Variants in ACADM observed in about 807,000 individuals in gnomAD.
The protein encoded by ACADM is acyl-CoA dehydrogenase medium chain.
In ACADM, 49 loss-of-function variants were observed where a neutral mutation model predicts 58.9. The ratio of observed to expected loss-of-function variants is 0.83; its 90% confidence interval spans 0.66 to 1.06. The LOEUF is 1.06. Ranked by LOEUF, ACADM falls within the 50% of genes least tolerant of loss-of-function variation. The pLI, the probability that ACADM is intolerant of heterozygous loss-of-function variation, is 0.00. For missense variants in ACADM, 496 were observed against 507.0 expected (o/e 0.98, Z 0.21); for synonymous variants, 160 against 157.7 (o/e 1.01, Z -0.11).
At chr1:75,738,582 G>T (rs1263030703) in intron 6 of ACADM, among the ~76,000 whole-genome samples, 2 of 152,022 alleles carry the variant, frequency 1.3e-5, no homozygotes, top group Non-Finnish European at 2.9e-5. Context: ...GAATTAAAAT[G>T]TATATAGTTT....
intron 3 of ACADM, 52 bp downstream of exon 3, chr1:75,732,793 TTATG>T (rs1228359739): frequency 6.2e-7 from 1 of 1,604,350 alleles, no homozygotes; most frequent in Admixed American, 1.7e-5. Flanking sequence ...TTTTACAAGA[TTATG>T]TAATCAAACT....
chr1:75,744,645 G>C lies in ACADM; in HGVS notation c.600-1161G>C, dbSNP rs951111916. 36 of 955,790 alleles carry C rather than the reference G, an allele frequency of 3.8e-5. No homozygotes were observed. The African/African-American group carries it at 5.5e-4, about 15-fold the overall frequency. 59.2% of individuals were successfully genotyped at this position (955,790 alleles called of 1,614,324 possible). On this transcript the variant is annotated intron_variant, in intron 7 of 11. Coordinates refer to ENST00000370841, the MANE Select transcript of ACADM (RefSeq NM_000016.6). ...TGTTGTTAATGACAACCTTCCTGCT[G>C]TTAGGGTAACCTGGTCCCTGGCATA...
intron 6 of ACADM, among the ~76,000 whole-genome samples, chr1:75,737,279 A>C (rs867784005): frequency 4.6e-5 from 2 of 43,126 alleles, no homozygotes; most frequent in East Asian, 1.6e-3. Context: ...CACACACACA[A>C]ATATATATAT....
chr1:75,752,646 A>G (rs957404860), intron 10 of ACADM, among the ~76,000 whole-genome samples: 14 of 152,074 alleles, frequency 9.2e-5, no homozygotes, highest in Admixed American at 3.3e-4. Context: ...TTTTTCCATT[A>G]TACCTTCTGT....
intron 10 of ACADM, among the ~76,000 whole-genome samples, chr1:75,751,713 G>A (rs1281664613): frequency 6.6e-6 from 1 of 151,900 alleles, no homozygotes; most frequent in Non-Finnish European, 1.5e-5. Flanking sequence ...TGGCCAGGCT[G>A]GTGTTGAACT....
At chr1:75,762,649 A>T in intron 11 of ACADM, 43 bp from the exon 12 acceptor site, 1 of 1,195,230 alleles carries the variant, frequency 8.4e-7, no homozygotes, top group South Asian at 1.2e-5. Flanking sequence ...CAAAGTATTT[A>T]TGTACTAAAG....
rs1438207415 is a variant in ACADM, at chr1:75,762,770, T to C, written c.*7T>C. On this transcript the variant is annotated 3_prime_UTR_variant, in exon 12 of 12. Transcript: ENST00000370841. ...TGACAAGTACAAAAATTAAAAAAAT[T>C]ACTGTAGAAATATTGAATAACTAGA... 1.3e-6 allele frequency: 2 copies of C among 1,546,928 alleles called. No individual in the cohort carries two copies. Among genetic ancestry groups the C allele is most frequent in the South Asian group, 2.3e-5 (2 of 88,780 alleles).
chr1:75,733,518 G>A lies in ACADM; in HGVS notation c.287-10G>A. ...ATATTACAATGTGTTGAAACATTTT[G>A]ATACTGTAGGAGGTCTTGGACTTGG... On this transcript the variant is annotated splice_polypyrimidine_tract_variant and intron_variant, in intron 4 of 11. Transcript: ENST00000370841. The A allele has an allele frequency of 6.2e-7, 1 of 1,602,802 alleles. No individual in the cohort carries two copies. The highest frequency in any genetic ancestry group is 8.5e-7 in the Non-Finnish European group (1 of 1,169,850).
chr1:75,729,769 C>T (rs1290983437), intron 2 of ACADM, among the ~76,000 whole-genome samples: 1 of 151,488 alleles, frequency 6.6e-6, no homozygotes, highest in Non-Finnish European at 1.5e-5. Context: ...GCTGGGATTA[C>T]AGGCATGAAC....
rs2100420394 is a variant in ACADM at position 75,750,504 on chromosome 1, G to A, written c.903G>A (p.Lys301=). ...AAAGAGCTTTGGATGAAGCTACCAA[G>A]TATGCCCTGGAAAGGAAAACTTTCG... The part of the protein sequence containing the change: ...LAQRALDEAT[K]YALERKTFGK... The change falls in exon 10 of 12, where the codon AAG becomes AAA. Residue 301 remains lysine, a synonymous_variant. Transcript: ENST00000370841. 1 of 1,612,632 alleles carries A rather than the reference G, an allele frequency of 6.2e-7. No individual in the cohort carries two copies. Among genetic ancestry groups the A allele is most frequent in the East Asian group, 2.2e-5 (1 of 44,862 alleles).
At chr1:75,731,052 C>T (rs1003721853) in intron 2 of ACADM, among the ~76,000 whole-genome samples, 7 of 151,560 alleles carry the variant, frequency 4.6e-5, no homozygotes, top group African/African-American at 7.3e-5. Flanking sequence ...TTTGGGAGGC[C>T]GAGGTGGGCG....
intron 2 of ACADM, among the ~76,000 whole-genome samples, chr1:75,730,213 ATAAT>A (rs1312843718): frequency 1.3e-5 from 2 of 152,158 alleles, no homozygotes; most frequent in Non-Finnish European, 1.5e-5. Flanking sequence ...TCATACTGAG[ATAAT>A]TAGCATTAAT....
intron 7 of ACADM, chr1:75,744,153 G>A (rs1239889001): frequency 4.3e-5 from 67 of 1,575,140 alleles, no homozygotes; most frequent in Non-Finnish European, 5.7e-5. Context: ...TCAGCTAGTG[G>A]TGGGACAGCA....
At position 75,749,568 on chromosome 1, in the gene ACADM, T is replaced by C; in HGVS notation, c.849+9T>C. 1 of 1,611,960 alleles carries C rather than the reference T, an allele frequency of 6.2e-7. No individual in the cohort carries two copies. Among genetic ancestry groups the C allele is most frequent in the Non-Finnish European group, 8.5e-7 (1 of 1,178,180 alleles). On this transcript the variant is annotated intron_variant, in intron 9 of 11. Transcript: ENST00000370841. ...ATAAAACCAGACCTGTAGTAAGTAA[T>C]ATGGGTTCATAATCTTTATAGGATC...
At chr1:75,736,510 T>C (rs2100377910) in intron 6 of ACADM, among the ~76,000 whole-genome samples, 1 of 152,322 alleles carries the variant, frequency 6.6e-6, no homozygotes, top group East Asian at 1.9e-4. Flanking sequence ...ATAAGAACTG[T>C]GTGAAACGTC....
chr1:75,746,771 G>T (rs1299657354), intron 8 of ACADM, among the ~76,000 whole-genome samples: 1 of 151,660 alleles, frequency 6.6e-6, no homozygotes, highest in East Asian at 1.9e-4. Flanking sequence ...GCTAATTTTT[G>T]TATTTTTTGT....
At chr1:75,729,648 C>G (rs1647116341) in intron 2 of ACADM, among the ~76,000 whole-genome samples, 1 of 151,594 alleles carries the variant, frequency 6.6e-6, no homozygotes, top group South Asian at 2.1e-4. Context: ...TGTGGGTCAT[C>G]ATGCCTGGCT....
intron 10 of ACADM, among the ~76,000 whole-genome samples, chr1:75,751,624 G>A (rs137926698): frequency 0.021 from 3,202 of 151,448 alleles, 113 homozygotes; most frequent in African/African-American, 0.074. Context: ...TCAGCCTCCC[G>A]AGTCGCTGGG....
rs370303161 is a variant in ACADM at position 75,732,645 on chromosome 1, G to A, written c.120G>A (p.Glu40=). Residue 40 remains glutamate, a splice_region_variant and synonymous_variant, in exon 3 of 12, where the codon GAG becomes GAA. Coordinates refer to ENST00000370841, the MANE Select transcript of ACADM (RefSeq NM_000016.6). The part of the protein sequence containing the change: ...QREPGLGFSF[E]FTEQQKEFQA... ...CTTTTCTAAATAATTTTCCCTTAGA[G>A]TTCACCGAACAGCAGAAAGAATTTC... The A allele has an allele frequency of 6.2e-7, 1 of 1,613,142 alleles. No individual in the cohort carries two copies. The highest frequency in any genetic ancestry group is 8.5e-7 in the Non-Finnish European group (1 of 1,179,212).
Sources: gnomAD v4.1 joint callset for allele counts (sites outside exome capture counted in the v4.1 genomes callset) on GRCh38, gnomAD v4.1.1 for gene constraint, MANE v1.5 for transcripts, NCBI Gene and HGNC (gene_info 2026-07-23, HGNC 2026-07-21) for gene names.